The following CCSER1 variants were observed in gnomAD, a reference collection of about 807,000 sequenced individuals.
The protein encoded by CCSER1 is serine-rich coiled-coil domain-containing protein 1.
CCSER1 carries 41 observed loss-of-function variants against 82.0 expected under a neutral mutation model. That is an observed-to-expected ratio of 0.50 (90% CI 0.39 to 0.65). The LOEUF (loss-of-function observed/expected upper bound fraction) is 0.65, where lower values mean the gene tolerates loss of function less well. Ranked by LOEUF, CCSER1 falls within the 30% of genes least tolerant of loss-of-function variation. The probability of loss-of-function intolerance (pLI) is 0.00; values close to 1 mark genes in which losing one functional copy is unlikely to be tolerated. For missense variants in CCSER1, 1,119 were observed against 1,064.2 expected, an observed-to-expected ratio of 1.05 and a Z score of -0.72; for synonymous variants, 414 against 383.9, an observed-to-expected ratio of 1.08 and a Z score of -0.92.
chr4:91,479,164 A>C (rs1467353441), intron 10 of CCSER1, among the ~76,000 whole-genome samples: 2 of 151,538 alleles, frequency 1.3e-5, no homozygotes, highest in Non-Finnish European at 2.9e-5. Context: ...ATTTTGTTGA[A>C]TATTTTCTTT....
At chr4:91,125,617 C>T (rs1486547927) in intron 10 of CCSER1, among the ~76,000 whole-genome samples, 3 of 151,644 alleles carry the variant, frequency 2.0e-5, no homozygotes, top group African/African-American at 7.2e-5. Flanking sequence ...ACAAAAATTT[C>T]AGATATCCAT....
intron 4 of CCSER1, among the ~76,000 whole-genome samples, chr4:90,417,156 G>A (rs936177962): frequency 3.3e-5 from 5 of 152,110 alleles, no homozygotes; most frequent in Non-Finnish European, 7.4e-5. Flanking sequence ...CATGGCACAT[G>A]TGTGCCTATG....
At chr4:91,298,658 A>C (rs1744416778) in intron 10 of CCSER1, among the ~76,000 whole-genome samples, 1 of 152,000 alleles carries the variant, frequency 6.6e-6, no homozygotes, top group Admixed American at 6.6e-5. Context: ...ATATCATAGG[A>C]AAAAAACCTT....
chr4:90,813,272 C>A (rs1311593208), intron 7 of CCSER1, among the ~76,000 whole-genome samples: 2 of 152,212 alleles, frequency 1.3e-5, no homozygotes, highest in African/African-American at 4.8e-5. Flanking sequence ...ATTCTGAAAC[C>A]TGGTGGGCCA....
intron 5 of CCSER1, among the ~76,000 whole-genome samples, chr4:90,502,523 A>G (rs1770057095): frequency 6.6e-6 from 1 of 152,180 alleles, no homozygotes; most frequent in Admixed American, 6.5e-5. Context: ...GTAGCACAGC[A>G]AATTGTACAT....
At chr4:91,485,230 T>C (rs1292920504) in intron 10 of CCSER1, among the ~76,000 whole-genome samples, 1 of 152,148 alleles carries the variant, frequency 6.6e-6, no homozygotes, top group African/African-American at 2.4e-5. Flanking sequence ...TTCTTAAATA[T>C]CATTTTCACA....
chr4:90,906,145 C>T (rs755989956), intron 8 of CCSER1, among the ~76,000 whole-genome samples: 4 of 152,146 alleles, frequency 2.6e-5, no homozygotes, highest in Non-Finnish European at 2.9e-5. Flanking sequence ...TTCCTCTAGT[C>T]ACGTGTAATC....
chr4:90,722,139 A>C (rs2149368464), intron 6 of CCSER1, among the ~76,000 whole-genome samples: 1 of 151,914 alleles, frequency 6.6e-6, no homozygotes, highest in South Asian at 2.1e-4. Context: ...TATAAAAATT[A>C]AACCTTCATT....
chr4:91,355,500 G>C (rs1293970320), intron 10 of CCSER1, among the ~76,000 whole-genome samples: 1 of 152,084 alleles, frequency 6.6e-6, no homozygotes, highest in East Asian at 1.9e-4. Flanking sequence ...GTTTCTTTTA[G>C]AGTCCTGGTA....
chr4:91,199,990 A>G (rs924055787), intron 10 of CCSER1, among the ~76,000 whole-genome samples: 5 of 152,066 alleles, frequency 3.3e-5, no homozygotes, highest in African/African-American at 4.8e-5. Context: ...TTTTAGTACT[A>G]ATTAAAACAT....
intron 1 of CCSER1, among the ~76,000 whole-genome samples, chr4:90,268,037 T>TAGTATA (rs1263923409): frequency 1.3e-5 from 2 of 152,194 alleles, no homozygotes; most frequent in African/African-American, 4.8e-5. Flanking sequence ...TACCCTAGAA[T>TAGTATA]AGTATATTCA....
intron 7 of CCSER1, among the ~76,000 whole-genome samples, chr4:90,782,685 C>CTTTTTT (rs61457393): frequency 2.5e-4 from 34 of 133,956 alleles, no homozygotes; most frequent in African/African-American, 7.6e-4. Context: ...TTCTTTCTTT[C>CTTTTTT]TTTTTTTTTT....
intron 10 of CCSER1, among the ~76,000 whole-genome samples, chr4:91,179,411 C>T (rs1178901786): frequency 1.3e-5 from 2 of 152,188 alleles, no homozygotes; most frequent in Admixed American, 6.5e-5. Context: ...CAACTTGGTT[C>T]CATTCTCCCC....
At chr4:90,207,549 T>C (rs1320099982) in intron 1 of CCSER1, among the ~76,000 whole-genome samples, 1 of 152,170 alleles carries the variant, frequency 6.6e-6, no homozygotes, top group African/African-American at 2.4e-5. Context: ...GCCGAGGGGC[T>C]GTGATTCTTT....
At chr4:91,275,283 C>A (rs375951118) in intron 10 of CCSER1, among the ~76,000 whole-genome samples, 327 of 151,702 alleles carry the variant, frequency 2.2e-3, no homozygotes, top group Admixed American at 6.0e-3. Flanking sequence ...TTCTTTGCAT[C>A]CTTGCCAGCA....
intron 6 of CCSER1, among the ~76,000 whole-genome samples, chr4:90,634,183 A>G (rs1236984885): frequency 1.3e-5 from 2 of 151,724 alleles, no homozygotes; most frequent in African/African-American, 4.8e-5. Context: ...AATAAGCTGT[A>G]TCTATTCTAA....
At chr4:90,508,543 CA>C (rs1357875229) in intron 5 of CCSER1, among the ~76,000 whole-genome samples, 1 of 152,072 alleles carries the variant, frequency 6.6e-6, no homozygotes. Flanking sequence ...TAACCTCCCT[CA>C]AGAAAGGAGC....
rs796127090 is a variant in CCSER1 at position 91,496,648 on chromosome 4, T to C, written c.2218-101924T>C. On this transcript the variant is annotated intron_variant, in intron 10 of 10. Transcript: ENST00000509176. ...TATATTTGAATATATATATATTCAA[T>C]ATATATTGAATATATATATATTCAA... is the stretch of plus-strand genomic sequence containing the variant. 6.1e-3 allele frequency among the ~76,000 whole-genome samples: 182 copies of C among 29,950 alleles called. 45 individuals are homozygous for C. In the East Asian group the frequency reaches 0.17, roughly 28 times the overall value. The allele number at this position is 29,950 out of a possible 152,430, so 19.6% of individuals were successfully genotyped here.
At chr4:91,397,148 AT>A (rs1752036245) in intron 10 of CCSER1, among the ~76,000 whole-genome samples, 1 of 152,028 alleles carries the variant, frequency 6.6e-6, no homozygotes, top group Non-Finnish European at 1.5e-5. Context: ...ACATTTTGTC[AT>A]TGATTTCTTC....
Sources: gnomAD v4.1 joint callset for allele counts (sites outside exome capture counted in the v4.1 genomes callset) on GRCh38, gnomAD v4.1.1 for gene constraint, MANE v1.5 for transcripts, NCBI Gene and HGNC (gene_info 2026-07-23, HGNC 2026-07-21) for gene names.